The following SCAND3 variants were observed in gnomAD, a reference collection of about 807,000 sequenced individuals.
The protein encoded by SCAND3 is SCAN domain containing 3, also known as SCAN domain-containing protein 3.
At chr6:28,575,511 A>T in the SCAND3 span, 4 of 1,613,862 alleles carry the variant, frequency 2.5e-6, no homozygotes, top group Admixed American at 5.0e-5. The surrounding 1 kb of genome is among the most constrained non-coding windows in gnomAD (Gnocchi z 4.2). Context: ...TTGTACAGAG[A>T]TCTTGATAAT....
chr6:28,571,635 T>A, the SCAND3 span: 1 of 334,470 alleles, frequency 3.0e-6, no homozygotes, highest in Non-Finnish European at 5.2e-6. Flanking sequence ...AAATATAAGA[T>A]CAAATGTTTT....
At chr6:28,586,627 C>T in the SCAND3 span, 1 of 1,614,036 alleles carries the variant, frequency 6.2e-7, no homozygotes, top group Non-Finnish European at 8.5e-7. The surrounding 1 kb of genome is among the most constrained non-coding windows in gnomAD (Gnocchi z 4.4). Context: ...CAAGTGTGGT[C>T]TTCTTCTTTA....
the SCAND3 span, among the ~76,000 whole-genome samples, chr6:28,607,261 T>C: frequency 6.6e-6 from 1 of 152,196 alleles, no homozygotes; most frequent in African/African-American, 2.4e-5. Context: ...CTCCTCTCAA[T>C]GGACCGCCTT....
chr6:28,579,811 T>C, the SCAND3 span, among the ~76,000 whole-genome samples: 604 of 146,978 alleles, frequency 4.1e-3, 4 homozygotes, highest in African/African-American at 0.014. The surrounding 1 kb of genome is among the most constrained non-coding windows in gnomAD (Gnocchi z 4.5). Context: ...CTTTGGGAGG[T>C]CGAGGCAGGT....
chr6:28,572,867 T>A, the SCAND3 span: 4 of 1,613,898 alleles, frequency 2.5e-6, no homozygotes, highest in Non-Finnish European at 3.4e-6. This position sits in a 1 kb window ranked among gnomAD's most constrained non-coding sequence, Gnocchi z 4.1. Context: ...ATTTTTTTCA[T>A]GGCAAGACTT....
chr6:28,605,630 G>A, the SCAND3 span, among the ~76,000 whole-genome samples: 1 of 144,640 alleles, frequency 6.9e-6, no homozygotes, highest in South Asian at 2.2e-4. Context: ...TCAGGAGTTC[G>A]AGAACAGCCT....
chr6:28,582,454 C>T, the SCAND3 span, among the ~76,000 whole-genome samples: 19 of 152,010 alleles, frequency 1.2e-4, no homozygotes, highest in Non-Finnish European at 2.1e-4. This position sits in a 1 kb window ranked among gnomAD's most constrained non-coding sequence, Gnocchi z 4.8. Context: ...GCTGACTAGA[C>T]GTGAGAAACT....
the SCAND3 span, among the ~76,000 whole-genome samples, chr6:28,599,125 A>T: frequency 1.3e-5 from 2 of 152,192 alleles, no homozygotes; most frequent in African/African-American, 4.8e-5. Context: ...GATCTATGTG[A>T]GGAAAGCTAC....
chr6:28,573,040 A>G, the SCAND3 span: 2 of 1,612,018 alleles, frequency 1.2e-6, no homozygotes, highest in Non-Finnish European at 1.7e-6. Context: ...ATAATTCTTT[A>G]CAGCTTCATA....
At chr6:28,586,399 C>A in the SCAND3 span, 2 of 1,614,086 alleles carry the variant, frequency 1.2e-6, no homozygotes, top group African/African-American at 2.7e-5. This position sits in a 1 kb window ranked among gnomAD's most constrained non-coding sequence, Gnocchi z 4.4. Flanking sequence ...GACTGGAGCT[C>A]CTCAGGCAGG....
At chr6:28,589,856 G>GTTTTTTTTTTTTTTTTTTTTTTTTGTTT in the SCAND3 span, 1 of 116,546 alleles carries the variant, frequency 8.6e-6, no homozygotes, top group African/African-American at 3.0e-5. Flanking sequence ...TTTTTTGTTT[G>GTTTTTTTTTTTTTTTTTTTTTTTTGTTT]TTTTTTTTTT....
the SCAND3 span, among the ~76,000 whole-genome samples, chr6:28,611,911 G>A: frequency 3.0e-4 from 45 of 152,256 alleles, no homozygotes; most frequent in Admixed American, 2.0e-3. Flanking sequence ...GGAACATTAC[G>A]GCCTAGAATC....
the SCAND3 span, among the ~76,000 whole-genome samples, chr6:28,613,740 G>C: frequency 1.3e-5 from 2 of 152,150 alleles, no homozygotes; most frequent in African/African-American, 4.8e-5. Flanking sequence ...TAAGGGACTA[G>C]ATGTTGCAAA....
At chr6:28,611,853 G>A in the SCAND3 span, among the ~76,000 whole-genome samples, 1 of 152,152 alleles carries the variant, frequency 6.6e-6, no homozygotes, top group African/African-American at 2.4e-5. Flanking sequence ...GTGAATAAAT[G>A]GTGCATATAC....
the SCAND3 span, chr6:28,575,052 A>C: frequency 1.2e-6 from 2 of 1,614,072 alleles, no homozygotes; most frequent in Non-Finnish European, 8.5e-7. The surrounding 1 kb of genome is among the most constrained non-coding windows in gnomAD (Gnocchi z 4.2). Flanking sequence ...TGTCAGCCTG[A>C]TCTAATTCAT....
At chr6:28,610,624 T>C in the SCAND3 span, among the ~76,000 whole-genome samples, 10 of 152,178 alleles carry the variant, frequency 6.6e-5, no homozygotes, top group African/African-American at 2.4e-4. Context: ...ACAAGTAGTT[T>C]ATACTTTGAT....
chr6:28,604,687 ACT>A, the SCAND3 span, among the ~76,000 whole-genome samples: 47 of 151,486 alleles, frequency 3.1e-4, no homozygotes, highest in South Asian at 6.2e-3. Flanking sequence ...AATTTTACTC[ACT>A]CTTTTGCATA....
the SCAND3 span, among the ~76,000 whole-genome samples, chr6:28,583,569 T>G: frequency 6.6e-6 from 1 of 152,226 alleles, no homozygotes; most frequent in Admixed American, 6.5e-5. Flanking sequence ...TGACACTGGC[T>G]TATAAAAAGA....
chr6:28,616,165 T>A, the SCAND3 span: 1 of 152,384 alleles, frequency 6.6e-6, no homozygotes, highest in Middle Eastern at 3.4e-3. The surrounding 1 kb of genome is among the most constrained non-coding windows in gnomAD (Gnocchi z 4.3). Context: ...AACCGCCCCA[T>A]GGCCGTTACC....
Sources: allele counts gnomAD v4.1 joint callset (sites outside exome capture counted in the v4.1 genomes callset), GRCh38; gene constraint gnomAD v4.1.1; non-coding constraint Gnocchi (gnomAD v3.1); transcripts MANE v1.5; gene names NCBI Gene and HGNC (gene_info 2026-07-23, HGNC 2026-07-21).